SLC24A2: variants seen among roughly 807,000 people sequenced by gnomAD.
The protein encoded by SLC24A2 is sodium/potassium/calcium exchanger 2.
Under a neutral mutation model 62.0 loss-of-function variants are expected in SLC24A2, and 36 were observed. That is an observed-to-expected ratio of 0.58 (90% CI 0.44 to 0.77). The LOEUF (loss-of-function observed/expected upper bound fraction) is 0.77, where lower values mean the gene tolerates loss of function less well. Ranked by LOEUF, SLC24A2 falls within the 30% of genes least tolerant of loss-of-function variation. The pLI is 0.00. For synonymous variants in SLC24A2, 358 were observed against 294.0 expected (o/e 1.22, Z -2.23); for missense variants, 846 against 817.9 (o/e 1.03, Z -0.42).
intron 5 of SLC24A2, among the ~76,000 whole-genome samples, chr9:19,593,628 T>C (rs1836620664): frequency 6.6e-6 from 1 of 152,200 alleles, no homozygotes. Context: ...CACACCGTGA[T>C]GCCCTCATTC....
At chr9:19,631,412 T>C (rs535780626) in intron 2 of SLC24A2, among the ~76,000 whole-genome samples, 1 of 152,286 alleles carries the variant, frequency 6.6e-6, no homozygotes, top group Non-Finnish European at 1.5e-5. Context: ...CCTGTGGAAA[T>C]GCAACAATAT....
At chr9:20,278,365 T>C in the SLC24A2 span, among the ~76,000 whole-genome samples, 1 of 152,234 alleles carries the variant, frequency 6.6e-6, no homozygotes, top group Non-Finnish European at 1.5e-5. Context: ...CAAATCTTTG[T>C]GAATCAATAA....
chr9:20,030,987 T>G, the SLC24A2 span, among the ~76,000 whole-genome samples: 119 of 152,176 alleles, frequency 7.8e-4, no homozygotes, highest in African/African-American at 2.7e-3. Context: ...GAGGAAAAGA[T>G]TTGCTAGACT....
chr9:20,040,650 T>A, the SLC24A2 span, among the ~76,000 whole-genome samples: 1 of 152,328 alleles, frequency 6.6e-6, no homozygotes, highest in African/African-American at 2.4e-5. Flanking sequence ...TAGAAATACA[T>A]GAATTAAGTT....
intron 4 of SLC24A2, among the ~76,000 whole-genome samples, chr9:19,604,827 C>T (rs772191734): frequency 6.6e-6 from 1 of 152,212 alleles, no homozygotes; most frequent in Non-Finnish European, 1.5e-5. Context: ...ATATTCTACA[C>T]TACAGTATTG....
At chr9:19,643,492 TTC>T (rs142811315) in intron 2 of SLC24A2, among the ~76,000 whole-genome samples, 2,443 of 152,290 alleles carry the variant, frequency 0.016, 23 homozygotes, top group Non-Finnish European at 0.024. Flanking sequence ...TGGGGTATAT[TTC>T]TCTGTATGCA....
chr9:19,886,793 G>A, the SLC24A2 span, among the ~76,000 whole-genome samples: 1 of 152,136 alleles, frequency 6.6e-6, no homozygotes, highest in Non-Finnish European at 1.5e-5. Context: ...TAAAGACAGG[G>A]AATCAACCAA....
the SLC24A2 span, among the ~76,000 whole-genome samples, chr9:20,178,353 A>T: frequency 6.6e-6 from 1 of 152,134 alleles, no homozygotes; most frequent in African/African-American, 2.4e-5. Context: ...TCCCCAGTGC[A>T]GTGTGCAAAG....
In SLC24A2 at chr9:19,550,200, C is replaced by T. The variant is rs765178525; in HGVS notation, c.1416G>A (p.Thr472=). 24 of 1,613,986 alleles carry T rather than the reference C, an allele frequency of 1.5e-5. No individual in the cohort carries two copies. In the East Asian group the frequency reaches 2.5e-4, roughly 16 times the overall value. ...ACACTATGGGGAAAACAATCAGAAA[C>T]GTGACTTGCTTGCGGGTTTCAGAAG... ...AWPSETRKQV[T]FLIVFPIVFP... Residue 472 remains threonine, a synonymous_variant, in exon 8 of 11, where the codon ACG becomes ACA. Transcript: ENST00000341998.
chr9:20,226,535 G>C, the SLC24A2 span, among the ~76,000 whole-genome samples: 3 of 152,112 alleles, frequency 2.0e-5, no homozygotes, highest in Admixed American at 6.6e-5. Context: ...GCCAACATTT[G>C]GCAGGTGGGC....
chr9:19,941,659 G>A, the SLC24A2 span, among the ~76,000 whole-genome samples: 1 of 151,742 alleles, frequency 6.6e-6, no homozygotes, highest in Non-Finnish European at 1.5e-5. Flanking sequence ...CTAAACACAT[G>A]TGGGCTAAAA....
chr9:19,655,633 A>G (rs1198057848), intron 2 of SLC24A2, among the ~76,000 whole-genome samples: 1 of 152,170 alleles, frequency 6.6e-6, no homozygotes, highest in Admixed American at 6.5e-5. Flanking sequence ...ATAAGGTATC[A>G]GTGCACTAAT....
intron 2 of SLC24A2, among the ~76,000 whole-genome samples, chr9:19,644,861 A>G (rs948171460): frequency 1.3e-5 from 2 of 152,158 alleles, no homozygotes; most frequent in African/African-American, 4.8e-5. Context: ...TTCTAGGTGA[A>G]TGACTATATT....
At chr9:20,134,292 T>A in the SLC24A2 span, among the ~76,000 whole-genome samples, 1 of 152,186 alleles carries the variant, frequency 6.6e-6, no homozygotes, top group Admixed American at 6.5e-5. Flanking sequence ...GAAATACATA[T>A]AACAAAGTTA....
At chr9:19,769,139 C>T (rs760382846) in intron 2 of SLC24A2, among the ~76,000 whole-genome samples, 14 of 152,216 alleles carry the variant, frequency 9.2e-5, no homozygotes, top group Non-Finnish European at 1.9e-4. Context: ...ACCCACTCCT[C>T]CTGAAGTCTT....
intron 2 of SLC24A2, among the ~76,000 whole-genome samples, chr9:19,648,947 T>A (rs1564016846): frequency 6.8e-6 from 1 of 147,708 alleles, no homozygotes; most frequent in Non-Finnish European, 1.5e-5. Flanking sequence ...GGCCTAAAGA[T>A]ATTTATTCCA....
the SLC24A2 span, among the ~76,000 whole-genome samples, chr9:20,074,336 T>G: frequency 1.3e-5 from 2 of 152,016 alleles, no homozygotes; most frequent in Non-Finnish European, 2.9e-5. Flanking sequence ...TTGCTTTGTG[T>G]GTGTGCCTAA....
At chr9:19,820,745 G>A in the SLC24A2 span, among the ~76,000 whole-genome samples, 1 of 151,606 alleles carries the variant, frequency 6.6e-6, no homozygotes, top group Non-Finnish European at 1.5e-5. Flanking sequence ...TGTGTACAGG[G>A]GATTACATTG....
intron 7 of SLC24A2, among the ~76,000 whole-genome samples, chr9:19,556,988 G>C (rs1835123372): frequency 6.6e-6 from 1 of 152,156 alleles, no homozygotes; most frequent in Non-Finnish European, 1.5e-5. Context: ...TAGGCCCCAA[G>C]AAAAGGAGCT....
Sources: gnomAD v4.1 joint callset for allele counts (sites outside exome capture counted in the v4.1 genomes callset) on GRCh38, gnomAD v4.1.1 for gene constraint, MANE v1.5 for transcripts, NCBI Gene and HGNC (gene_info 2026-07-23, HGNC 2026-07-21) for gene names.